Variants in OR2H1 observed in about 807,000 individuals in gnomAD.
OR2H1 encodes the protein olfactory receptor family 2 subfamily H member 1, also known as olfactory receptor 2H1.
For synonymous variants in OR2H1, 155 were observed against 155.2 expected (o/e 1.00, Z 0.01); for missense variants, 380 against 367.3 (o/e 1.03, Z -0.28).
Position 29,462,083 on chromosome 6 carries a change from T to C in OR2H1, c.314T>C (p.Leu105Pro). The change falls in exon 4 of 4, where the codon CTG (leucine) becomes CCG (proline). Residue 105 changes from leucine to proline, a missense_variant. Leu to Pro is a moderately conservative substitution (Grantham distance 98, BLOSUM62 -3). Coordinates refer to ENST00000377133, the MANE Select transcript of OR2H1 (RefSeq NM_030883.5). Reference protein sequence around the residue: ...CSVQLFIFLSLGTTECILLTV... With the variant: ...CSVQLFIFLSPGTTECILLTV... ...GTCCAGCTCTTCATCTTCCTGTCCC[T>C]GGGGACCACTGAGTGCATCCTCCTG... 1.9e-6 allele frequency: 3 copies of C among 1,613,660 alleles called. No individual in the cohort carries two copies. The highest frequency in any genetic ancestry group is 2.5e-6 in the Non-Finnish European group (3 of 1,180,012).
In OR2H1 at chr6:29,459,260, T is replaced by A. The variant is rs537122363; in HGVS notation, c.-327+691T>A. 2.0e-5 allele frequency among the ~76,000 whole-genome samples: 3 copies of A among 152,138 alleles called. No homozygotes were observed. The South Asian group carries it at 6.3e-4, about 32-fold the overall frequency. ...GATACATTTAAAATAATCAGAATAG[T>A]GTTTACTTCTTCAGTGGGAGAGAAG... is the stretch of plus-strand genomic sequence containing the variant. On this transcript the variant is annotated intron_variant, in intron 2 of 3. Coordinates refer to ENST00000377133, the MANE Select transcript of OR2H1 (RefSeq NM_030883.5).
intron 2 of OR2H1, among the ~76,000 whole-genome samples, 156 bp downstream of exon 2, chr6:29,458,725 G>C (rs1786816815): frequency 2.0e-5 from 3 of 152,184 alleles, no homozygotes; most frequent in Admixed American, 2.0e-4. Context: ...TTGTTCTTCT[G>C]CAGAGATATT....
chr6:29,461,193 C>T (rs1392867075), intron 3 of OR2H1: 1 of 152,318 alleles, frequency 6.6e-6, no homozygotes, highest in African/African-American at 2.4e-5. Context: ...GCGGAGAAAT[C>T]TCTTTGTTAA....
At chr6:29,458,915 A>G (rs1359268154) in intron 2 of OR2H1, among the ~76,000 whole-genome samples, 1 of 152,216 alleles carries the variant, frequency 6.6e-6, no homozygotes, top group Non-Finnish European at 1.5e-5. Context: ...TGGCTCTTTG[A>G]GGACCAAAAA....
chr6:29,461,993 G>T lies in OR2H1; in HGVS notation c.224G>T (p.Cys75Phe). The T allele has an allele frequency of 6.2e-7, 1 of 1,613,222 alleles. No individual in the cohort carries two copies. The highest frequency in any genetic ancestry group is 8.5e-7 in the Non-Finnish European group (1 of 1,180,020). The change falls in exon 4 of 4, where the codon TGT becomes TTT. Residue 75 changes from cysteine to phenylalanine, a missense_variant. Coordinates refer to ENST00000377133, the MANE Select transcript of OR2H1 (RefSeq NM_030883.5). The part of the protein sequence containing the change: ...SFLDLCFTTS[C>F]VPQMLVNLWG... ...TTGGACCTCTGCTTTACCACAAGTT[G>T]TGTCCCCCAGATGCTGGTCAACCTC...
Position 29,461,938 on chromosome 6 carries a change from A to G in OR2H1, c.169A>G (p.Met57Val), listed in dbSNP as rs1787317827. The G allele has an allele frequency of 3.1e-6, 5 of 1,612,728 alleles. No individual in the cohort carries two copies. The highest frequency in any genetic ancestry group is 3.4e-6 in the Non-Finnish European group (4 of 1,179,956). ...ACTGTACCCCAGGCTCCACTCTCCA[A>G]TGTACTTTTTCCTCTCTGACCTCTC... ...SVLYPRLHSP[M>V]YFFLSDLSFL... Residue 57 changes from methionine (M) to valine (V), a missense_variant, in exon 4 of 4, where the codon ATG becomes GTG. Physicochemically the swap from Met to Val is conservative, Grantham distance 21. Coordinates refer to ENST00000377133, the MANE Select transcript of OR2H1 (RefSeq NM_030883.5).
At position 29,463,666 on chromosome 6, in the gene OR2H1, G is replaced by A. The variant is rs1787594858; in HGVS notation, c.*946G>A. The A allele has an allele frequency of 6.0e-6, 1 of 167,022 alleles. No homozygotes were observed. Among genetic ancestry groups the A allele is most frequent in the South Asian group, 2.1e-4 (1 of 4,828 alleles). The allele number at this position is 167,022 out of a possible 1,614,324, so 10.3% of individuals were successfully genotyped here. ...TATCTTCATTTCTGGTTCTTACCGT[G>A]TTAGCTTAGTTCATTCAAGCTACTA... On this transcript the variant is annotated 3_prime_UTR_variant, in exon 4 of 4. Coordinates refer to ENST00000377133, the MANE Select transcript of OR2H1 (RefSeq NM_030883.5).
intron 2 of OR2H1, among the ~76,000 whole-genome samples, chr6:29,458,818 T>C (rs1786837111): frequency 6.6e-6 from 1 of 152,206 alleles, no homozygotes; most frequent in Non-Finnish European, 1.5e-5. Flanking sequence ...CATCAACAGA[T>C]AGTAACTGTC....
Position 29,462,111 on chromosome 6 carries a change from A to C in OR2H1, c.342A>C (p.Thr114=), listed in dbSNP as rs1178522947. ...GGACCACTGAGTGCATCCTCCTGAC[A>C]GTGATGGCCTTTGACCGATACGTGG... ...SLGTTECILL[T]VMAFDRYVAV... The change falls in exon 4 of 4, where the codon ACA becomes ACC. Residue 114 remains threonine (T), a synonymous_variant. Transcript: ENST00000377133. 15 of 1,613,540 alleles carry C rather than the reference A, an allele frequency of 9.3e-6. No homozygotes were observed. The highest frequency in any genetic ancestry group is 1.3e-5 in the Non-Finnish European group (15 of 1,180,018).
rs761337227 is a variant in OR2H1, at chr6:29,461,923, A to G, written c.154A>G (p.Arg52Gly). The G allele has an allele frequency of 1.9e-6, 3 of 1,612,926 alleles. No individual in the cohort carries two copies. The South Asian group carries it at 3.3e-5, about 18-fold the overall frequency. The stretch of plus-strand genomic sequence containing the variant: ...CATCCTGCTGTCTGTACTGTACCCC[A>G]GGCTCCACTCTCCAATGTACTTTTT... ...LIILLSVLYPRLHSPMYFFLS... is the reference protein window; with the variant it reads ...LIILLSVLYPGLHSPMYFFLS... Residue 52 changes from arginine to glycine, a missense_variant, in exon 4 of 4, where the codon AGG (arginine) becomes GGG (glycine). By Grantham distance (125) the Arg-to-Gly change is moderately radical (BLOSUM62 -2). Coordinates refer to ENST00000377133, the MANE Select transcript of OR2H1 (RefSeq NM_030883.5).
Position 29,462,849 on chromosome 6 carries a change from G to A in OR2H1, c.*129G>A. 1 of 666,560 alleles carries A rather than the reference G, an allele frequency of 1.5e-6. No individual in the cohort carries two copies. The highest frequency in any genetic ancestry group is 2.6e-6 in the Non-Finnish European group (1 of 385,410). 41.3% of individuals were successfully genotyped at this position (666,560 alleles called of 1,614,324 possible). A position where few individuals can be genotyped will look rare whatever the true frequency, so the allele number is the denominator to read the frequency against. ...CAGTGTGGCTATGTTATCTATGAGA[G>A]GGAGAATGAGAAAGAGAGGGACAGA... On this transcript the variant is annotated 3_prime_UTR_variant, in exon 4 of 4. Coordinates refer to ENST00000377133, the MANE Select transcript of OR2H1 (RefSeq NM_030883.5).
chr6:29,462,319 C>G lies in OR2H1; in HGVS notation c.550C>G (p.Arg184Gly), dbSNP rs890494437. 3.7e-6 allele frequency: 6 copies of G among 1,613,030 alleles called. No homozygotes were observed. The highest frequency in any genetic ancestry group is 2.2e-5 in the South Asian group (2 of 91,092). The change falls in exon 4 of 4, where the codon CGA becomes GGA. Residue 184 changes from arginine (R) to glycine (G), a missense_variant. Coordinates refer to ENST00000377133, the MANE Select transcript of OR2H1 (RefSeq NM_030883.5). Reference sequence around the variant, plus strand: ...TTTATGTGAGGTCCCATCTCTGATTCGACTCTCCTGTGGAGATACCTCCTA... The same window carrying G: ...TTTATGTGAGGTCCCATCTCTGATTGGACTCTCCTGTGGAGATACCTCCTA... ...DFLCEVPSLI[R>G]LSCGDTSYNE...
In OR2H1 at chr6:29,461,615, G is replaced by A. The variant is rs2021729; in HGVS notation, c.-155G>A. On this transcript the variant is annotated 5_prime_UTR_variant, in exon 4 of 4. Coordinates refer to ENST00000377133, the MANE Select transcript of OR2H1 (RefSeq NM_030883.5). ...GAACGAGAAGGAGCTGCTGGATGACGATAAGCCTGGGAAAGGGAGGCTGGG... is the reference window on the plus strand; with the variant it reads ...GAACGAGAAGGAGCTGCTGGATGACAATAAGCCTGGGAAAGGGAGGCTGGG... The A allele has an allele frequency of 0.25, 158,271 of 630,248 alleles. 22,434 individuals are homozygous for A. Among genetic ancestry groups the A allele is most frequent in the South Asian group, 0.35 (16,842 of 48,228 alleles). 39.0% of individuals were successfully genotyped at this position (630,248 alleles called of 1,614,324 possible).
rs371770288 is a variant in OR2H1, at chr6:29,461,184, C to T, written c.-275-311C>T. 9.8e-5 allele frequency: 15 copies of T among 152,396 alleles called. 1 individual carries two copies. The highest frequency in any genetic ancestry group is 3.1e-4 in the African/African-American group (13 of 41,484). 9.4% of individuals were successfully genotyped at this position (152,396 alleles called of 1,614,324 possible). A position where few individuals can be genotyped will look rare whatever the true frequency, so the allele number is the denominator to read the frequency against. ...CTATGAGTGGAGTTAATACACACAGCGGAGAAATCTCTTTGTTAATTCTAC... is the reference window on the plus strand; with the variant it reads ...CTATGAGTGGAGTTAATACACACAGTGGAGAAATCTCTTTGTTAATTCTAC... On this transcript the variant is annotated intron_variant, in intron 3 of 3. Coordinates refer to ENST00000377133, the MANE Select transcript of OR2H1 (RefSeq NM_030883.5).
Position 29,462,657 on chromosome 6 carries a change from G to T in OR2H1, c.888G>T (p.Lys296Asn), listed in dbSNP as rs1202088629. The T allele has an allele frequency of 6.2e-7, 1 of 1,612,990 alleles. No individual in the cohort carries two copies. The highest frequency in any genetic ancestry group is 8.5e-7 in the Non-Finnish European group (1 of 1,180,044). ...LVYTLRNKEI[K>N]RALRRLLGKE... is the part of the protein sequence containing the mutation. ...ACACCCTGAGGAACAAGGAGATAAA[G>T]CGAGCACTCAGGAGGTTACTAGGGA... Residue 296 changes from lysine (K) to asparagine (N), a missense_variant, in exon 4 of 4, where the codon AAG (lysine) becomes AAT (asparagine). Coordinates refer to ENST00000377133, the MANE Select transcript of OR2H1 (RefSeq NM_030883.5).
Position 29,461,720 on chromosome 6 carries a change from T to C in OR2H1, c.-50T>C. On this transcript the variant is annotated 5_prime_UTR_variant, in exon 4 of 4. Transcript: ENST00000377133. ...CTGAGTTTTGATAAGACAGGTTGAA[T>C]CACACTGGGGTGACAGCCTCATCCC... The C allele has an allele frequency of 7.0e-7, 1 of 1,438,486 alleles. No individual in the cohort carries two copies. 89.1% of individuals were successfully genotyped at this position (1,438,486 alleles called of 1,614,324 possible).
At position 29,462,596 on chromosome 6, in the gene OR2H1, A is replaced by G. The variant is rs1787447436; in HGVS notation, c.827A>G (p.Tyr276Cys). 1.2e-6 allele frequency: 2 copies of G among 1,613,042 alleles called. No individual in the cohort carries two copies. Among genetic ancestry groups the G allele is most frequent in the Non-Finnish European group, 1.7e-6 (2 of 1,180,002 alleles). ...QGRGKFFGLF[Y>C]AVGTPSLNPL... ...AGGGGCAAGTTCTTTGGTCTCTTCT[A>G]TGCAGTGGGCACTCCTTCACTTAAC... Residue 276 changes from tyrosine (Y) to cysteine (C), a missense_variant, in exon 4 of 4, where the codon TAT becomes TGT. Physicochemically the swap from Tyr to Cys is radical, Grantham distance 194. Coordinates refer to ENST00000377133, the MANE Select transcript of OR2H1 (RefSeq NM_030883.5).
chr6:29,459,436 T>G (rs187087407), intron 2 of OR2H1, among the ~76,000 whole-genome samples: 1 of 152,312 alleles, frequency 6.6e-6, no homozygotes. Context: ...GTTTATATGA[T>G]TTTTAAAAAA....
chr6:29,457,378 T>C (rs1342209801), intron 1 of OR2H1, among the ~76,000 whole-genome samples, 171 bp downstream of exon 1: 2 of 152,218 alleles, frequency 1.3e-5, no homozygotes, highest in South Asian at 2.1e-4. Context: ...AATTGGACTA[T>C]TGATACACAA....
Sources: allele counts gnomAD v4.1 joint callset (sites outside exome capture counted in the v4.1 genomes callset), GRCh38; gene constraint gnomAD v4.1.1; transcripts MANE v1.5; gene names NCBI Gene and HGNC (gene_info 2026-07-23, HGNC 2026-07-21).